Variants in IQCM observed in about 807,000 individuals in gnomAD.
The protein encoded by IQCM is IQ domain-containing protein M.
In IQCM, 45 loss-of-function variants were observed where a neutral mutation model predicts 57.6. The ratio of observed to expected loss-of-function variants is 0.78; its 90% CI spans 0.62 to 1.00. The LOEUF (loss-of-function observed/expected upper bound fraction) is 1.00. IQCM is among the 50% of genes least tolerant of loss of function. IQCM has a pLI of 0.00. For missense variants in IQCM, 468 were observed against 511.6 expected (o/e 0.91, Z 0.82); for synonymous variants, 148 against 158.9 (o/e 0.93, Z 0.51).
At chr4:149,374,802 C>T (rs1403610177) in intron 13 of IQCM, among the ~76,000 whole-genome samples, 1 of 152,048 alleles carries the variant, frequency 6.6e-6, no homozygotes, top group Non-Finnish European at 1.5e-5. Context: ...TGCTTTGCTG[C>T]TGTTGCTGCT....
intron 13 of IQCM, among the ~76,000 whole-genome samples, chr4:149,394,987 T>C (rs1732124414): frequency 6.6e-6 from 1 of 152,070 alleles, no homozygotes; most frequent in Non-Finnish European, 1.5e-5. Flanking sequence ...TGGCCTATAA[T>C]TTTACTGATG....
chr4:149,498,589 A>G (rs972093963), intron 12 of IQCM, among the ~76,000 whole-genome samples: 2 of 152,126 alleles, frequency 1.3e-5, no homozygotes, highest in Non-Finnish European at 2.9e-5. Context: ...TGTAGGAACC[A>G]TATCTCGATC....
intron 13 of IQCM, among the ~76,000 whole-genome samples, chr4:149,388,998 C>T (rs1402508671): frequency 4.6e-5 from 7 of 151,028 alleles, no homozygotes; most frequent in Non-Finnish European, 1.0e-4. Context: ...TGAAGTACAA[C>T]TTATTTATTT....
chr4:149,691,491 C>T (rs974549570), intron 5 of IQCM, among the ~76,000 whole-genome samples: 1 of 151,980 alleles, frequency 6.6e-6, no homozygotes, highest in Non-Finnish European at 1.5e-5. Context: ...AAAATCACTG[C>T]AGAAAAGTGA....
chr4:149,460,185 C>T (rs2149708676), intron 12 of IQCM, among the ~76,000 whole-genome samples: 1 of 152,216 alleles, frequency 6.6e-6, no homozygotes, highest in African/African-American at 2.4e-5. Context: ...GGTCAAGCAT[C>T]TTTTCGTGTG....
chr4:149,777,833 C>T (rs954475668), intron 2 of IQCM, among the ~76,000 whole-genome samples: 16 of 152,142 alleles, frequency 1.1e-4, no homozygotes, highest in Non-Finnish European at 1.6e-4. Context: ...CGCAGTGGTG[C>T]GTTCCCTAAC....
intron 5 of IQCM, among the ~76,000 whole-genome samples, chr4:149,705,928 T>TGGG (rs1458549531): frequency 8.7e-5 from 13 of 149,494 alleles, no homozygotes; most frequent in Non-Finnish European, 1.2e-4. Context: ...AAAAAAAAAT[T>TGGG]CTATATCTTT....
intron 9 of IQCM, among the ~76,000 whole-genome samples, chr4:149,565,490 C>T (rs1169144351): frequency 6.6e-6 from 1 of 152,124 alleles, no homozygotes; most frequent in Non-Finnish European, 1.5e-5. Flanking sequence ...TGTACTATCT[C>T]CTGATATTCT....
intron 12 of IQCM, among the ~76,000 whole-genome samples, chr4:149,453,705 G>T (rs770117255): frequency 2.0e-5 from 3 of 151,744 alleles, no homozygotes; most frequent in Non-Finnish European, 4.4e-5. Flanking sequence ...TAATCAAAAA[G>T]ACAGAAAATA....
intron 12 of IQCM, among the ~76,000 whole-genome samples, chr4:149,529,504 G>A (rs1406485537): frequency 6.6e-6 from 1 of 152,096 alleles, no homozygotes; most frequent in African/African-American, 2.4e-5. Context: ...GGCTTTCATT[G>A]GCATTGACCA....
chr4:149,554,849 C>G (rs796066994), intron 10 of IQCM, among the ~76,000 whole-genome samples: 3 of 151,230 alleles, frequency 2.0e-5, no homozygotes, highest in Non-Finnish European at 4.4e-5. Context: ...ACAGGCGCCC[C>G]CCACCACGCC....
rs370919993 is a variant in IQCM at position 149,645,556 on chromosome 4, C to A, written c.566-24312G>T. Among the ~76,000 whole-genome samples the A allele has an allele frequency of 3.9e-5, 6 of 152,322 alleles. No individual in the cohort carries two copies. In the East Asian group the frequency reaches 9.7e-4, roughly 25 times the overall value. ...CTCTGATGCTCCCCTTAAATCAGTA[C>A]TACCCAAGAGTAAGGTGATGTGAGA... On this transcript the variant is annotated intron_variant, in intron 7 of 13. Coordinates refer to ENST00000636793, the MANE Select transcript of IQCM (RefSeq NM_001363507.2).
chr4:149,449,363 A>G (rs1736847882), intron 12 of IQCM, among the ~76,000 whole-genome samples: 1 of 146,284 alleles, frequency 6.8e-6, no homozygotes, highest in African/African-American at 2.5e-5. Flanking sequence ...TATATTATAT[A>G]CATTATATTA....
At chr4:149,661,620 A>G (rs1253075909) in intron 7 of IQCM, among the ~76,000 whole-genome samples, 1 of 152,114 alleles carries the variant, frequency 6.6e-6, no homozygotes. Context: ...TTACTGATTC[A>G]ATTTCCTCAC....
At chr4:149,499,589 T>C (rs1226904041) in intron 12 of IQCM, among the ~76,000 whole-genome samples, 2 of 152,032 alleles carry the variant, frequency 1.3e-5, no homozygotes, top group Non-Finnish European at 2.9e-5. Context: ...GAAGCAAAAA[T>C]TGCTACAATA....
chr4:149,387,960 T>C (rs1402572354), intron 13 of IQCM, among the ~76,000 whole-genome samples: 1 of 152,042 alleles, frequency 6.6e-6, no homozygotes, highest in Admixed American at 6.6e-5. Context: ...GTGATTCTCT[T>C]CTTTCACTTA....
chr4:149,756,575 C>T (rs1041104797), intron 2 of IQCM, among the ~76,000 whole-genome samples: 6 of 151,924 alleles, frequency 3.9e-5, no homozygotes, highest in African/African-American at 1.4e-4. Flanking sequence ...GAATGGAACA[C>T]AAGAAAAAAC....
chr4:149,646,958 TG>T (rs1337728962), intron 7 of IQCM, among the ~76,000 whole-genome samples: 1 of 152,220 alleles, frequency 6.6e-6, no homozygotes. Flanking sequence ...CACTCCAACC[TG>T]GGTGACAAGA....
chr4:149,602,982 T>C (rs1323853011), intron 8 of IQCM, among the ~76,000 whole-genome samples: 2 of 152,098 alleles, frequency 1.3e-5, no homozygotes, highest in Non-Finnish European at 2.9e-5. Flanking sequence ...AAGGAATTTA[T>C]TGTAAAAAAT....
Sources: allele counts gnomAD v4.1 joint callset (sites outside exome capture counted in the v4.1 genomes callset), GRCh38; gene constraint gnomAD v4.1.1; transcripts MANE v1.5; gene names NCBI Gene and HGNC (gene_info 2026-07-23, HGNC 2026-07-21).